Variants in SEC31A observed in about 807,000 individuals in gnomAD.
SEC31A encodes the protein protein transport protein Sec31A.
In SEC31A, 70 loss-of-function variants were observed where a neutral mutation model predicts 151.0. That is an observed-to-expected ratio of 0.46 (90% CI 0.38 to 0.57). The LOEUF is 0.57. Among genes scored for constraint, SEC31A ranks in the 20% least tolerant of loss-of-function variants. The pLI is 0.00. For synonymous variants in SEC31A, 475 were observed against 505.9 expected (o/e 0.94, Z 0.82); for missense variants, 1,330 against 1,471.2 (o/e 0.90, Z 1.57).
At chr4:82,844,731 G>A (rs1190612501) in intron 20 of SEC31A, among the ~76,000 whole-genome samples, 3 of 152,186 alleles carry the variant, frequency 2.0e-5, no homozygotes, top group Admixed American at 1.3e-4. Flanking sequence ...AGTAATAATT[G>A]CAATGAATGG....
chr4:82,853,987 C>T (rs1732018926), intron 17 of SEC31A, among the ~76,000 whole-genome samples: 1 of 152,016 alleles, frequency 6.6e-6, no homozygotes, highest in Non-Finnish European at 1.5e-5. Context: ...TAAATGGGAA[C>T]AACATTTGAA....
upstream of SEC31A, chr4:82,891,256 A>C (rs1457578643): frequency 6.7e-6 from 9 of 1,350,804 alleles, no homozygotes; most frequent in Non-Finnish European, 8.1e-6. Context: ...CGGGAGCGAC[A>C]TCTTTCCCCG....
intron 1 of SEC31A, among the ~76,000 whole-genome samples, chr4:82,885,196 C>T (rs150394549): frequency 4.6e-5 from 7 of 152,250 alleles, no homozygotes; most frequent in African/African-American, 1.7e-4. Context: ...ACAGATTTTA[C>T]TGGTGATCCA....
chr4:82,885,967 T>C (rs1485528495), intron 1 of SEC31A, among the ~76,000 whole-genome samples: 2 of 152,172 alleles, frequency 1.3e-5, no homozygotes, highest in African/African-American at 4.8e-5. Flanking sequence ...TTGTTTATAT[T>C]TGAAGGAGAT....
chr4:82,835,069 A>C (rs1726888540), intron 22 of SEC31A, among the ~76,000 whole-genome samples: 1 of 152,056 alleles, frequency 6.6e-6, no homozygotes. Context: ...CTGGTCTCGA[A>C]CTCCTAACTT....
rs755177631 is a variant in SEC31A, at chr4:82,874,754, A to G, written c.499-3T>C. ...ATGCAGCTGATATCTTCTGGCGGCT[A>G]CAAGGAAGAAACAGTTAATAAAAAC... On this transcript the variant is annotated splice_polypyrimidine_tract_variant and splice_region_variant and intron_variant, in intron 5 of 26. Transcript: ENST00000395310. The G allele has an allele frequency of 6.3e-7, 1 of 1,599,636 alleles. No individual in the cohort carries two copies.
chr4:82,864,527 C>T lies in SEC31A; in HGVS notation c.1269G>A (p.Gln423=). ...CCTGACTAATGAACACATGGTGCTG[C>T]TGCTGCTGCTGCTCAGCTCCCTGAT... ...PSHQGAEQQQ[Q]QHHVFISQVV... Residue 423 remains glutamine (Q), a synonymous_variant, in exon 11 of 27, where the codon CAG becomes CAA. Transcript: ENST00000395310. 6.2e-7 allele frequency: 1 copy of T among 1,614,072 alleles called. No homozygotes were observed. Among genetic ancestry groups the T allele is most frequent in the Non-Finnish European group, 8.5e-7 (1 of 1,179,988 alleles).
At chr4:82,826,619 T>C (rs938610352) in intron 24 of SEC31A, among the ~76,000 whole-genome samples, 12 of 152,228 alleles carry the variant, frequency 7.9e-5, no homozygotes, top group African/African-American at 1.4e-4. Flanking sequence ...TCCCAAAGCA[T>C]TGGGATAAGA....
intron 22 of SEC31A, among the ~76,000 whole-genome samples, chr4:82,835,444 CTTTTT>C (rs1726979007): frequency 6.6e-6 from 1 of 152,120 alleles, no homozygotes; most frequent in Non-Finnish European, 1.5e-5. Context: ...ATCTTTTACT[CTTTTT>C]AAAACATGAC....
At position 82,890,952 on chromosome 4, in the gene SEC31A, C is replaced by T; in HGVS notation, c.-5+136G>A. On this transcript the variant is annotated intron_variant, in intron 1 of 26. Transcript: ENST00000395310. The stretch of plus-strand genomic sequence containing the variant: ...CCGGGCCCGAAACCAAGACTAGGGG[C>T]GCGCCGTCACCAGAGACCGGGCCTC... The T allele has an allele frequency of 2.8e-6, 4 of 1,444,236 alleles. No homozygotes were observed. In the East Asian group the frequency reaches 8.0e-5, roughly 29 times the overall value. The allele number at this position is 1,444,236 out of a possible 1,614,324, so 89.5% of individuals were successfully genotyped here.
At position 82,853,273 on chromosome 4, in the gene SEC31A, C is replaced by A. The variant is rs188426351; in HGVS notation, c.2154+297G>T. Among the ~76,000 whole-genome samples, 6 of 152,296 alleles carry A rather than the reference C, an allele frequency of 3.9e-5. No individual in the cohort carries two copies. In the East Asian group the frequency reaches 1.2e-3, roughly 29 times the overall value. On this transcript the variant is annotated intron_variant, in intron 18 of 26. Coordinates refer to ENST00000395310, the MANE Select transcript of SEC31A (RefSeq NM_001077207.4). The stretch of plus-strand genomic sequence containing the variant: ...GGCAGGCAGAGCCACTGGAAGCAGA[C>A]AGAGGAGCACACAGAAAAAGAGGTA...
intron 8 of SEC31A, among the ~76,000 whole-genome samples, chr4:82,868,266 A>G (rs1735834350): frequency 6.6e-6 from 1 of 152,138 alleles, no homozygotes; most frequent in Admixed American, 6.5e-5. Flanking sequence ...TGGTAGGCTG[A>G]GGTGGGCAGA....
In SEC31A at chr4:82,864,716, C is replaced by A. The variant is rs1159540074; in HGVS notation, c.1198-118G>T. On this transcript the variant is annotated intron_variant, in intron 10 of 26. Coordinates refer to ENST00000395310, the MANE Select transcript of SEC31A (RefSeq NM_001077207.4). ...AAATTAGTTGATACAACCTCTCATG[C>A]GCCACAGTCTGACACCACTTCAATT... 6 of 691,624 alleles carry A rather than the reference C, an allele frequency of 8.7e-6. No homozygotes were observed. In the South Asian group the frequency reaches 9.6e-5, roughly 11 times the overall value. The allele number at this position is 691,624 out of a possible 1,614,324, so 42.8% of individuals were successfully genotyped here. A position where few individuals can be genotyped will look rare whatever the true frequency, so the allele number is the denominator to read the frequency against.
rs1357611864 is a variant in SEC31A at position 82,842,241 on chromosome 4, C to T, written c.2867G>A (p.Gly956Asp). The T allele has an allele frequency of 1.2e-6, 2 of 1,613,682 alleles. No homozygotes were observed. The highest frequency in any genetic ancestry group is 8.5e-7 in the Non-Finnish European group (1 of 1,179,798). The change falls in exon 22 of 27, where the codon GGC becomes GAC. Residue 956 changes from glycine to aspartate, a missense_variant. Gly to Asp is a moderately conservative substitution (Grantham distance 94). Coordinates refer to ENST00000395310, the MANE Select transcript of SEC31A (RefSeq NM_001077207.4). ...PPSSGASFQH[G>D]GPGAPPSSSA... The stretch of plus-strand genomic sequence containing the variant: ...AGATGATGGTGGAGCTCCTGGTCCG[C>T]CATGCTGGAAGGATGCTCCAGAGGA...
At chr4:82,868,325 C>A (rs980404989) in intron 8 of SEC31A, among the ~76,000 whole-genome samples, 3 of 151,724 alleles carry the variant, frequency 2.0e-5, no homozygotes, top group Admixed American at 6.6e-5. Flanking sequence ...ATGGCAAAAC[C>A]CCATCTCTAC....
intron 1 of SEC31A, among the ~76,000 whole-genome samples, chr4:82,889,560 A>AT (rs1387666380): frequency 6.6e-6 from 1 of 150,670 alleles, no homozygotes; most frequent in Non-Finnish European, 1.5e-5. Flanking sequence ...AAAAAAAAAA[A>AT]AGTAAAAGAA....
chr4:82,853,540 A>G, intron 18 of SEC31A, 30 bp downstream of exon 18: 2 of 1,536,168 alleles, frequency 1.3e-6, no homozygotes, highest in Non-Finnish European at 1.7e-6. Flanking sequence ...AACACTAAAA[A>G]TTAAGTGCCT....
chr4:82,885,234 G>A (rs1322179313), intron 1 of SEC31A, among the ~76,000 whole-genome samples: 4 of 152,144 alleles, frequency 2.6e-5, no homozygotes, highest in African/African-American at 9.7e-5. Flanking sequence ...CAGTAGGTTA[G>A]CTAAGGACAT....
chr4:82,831,066 A>C (rs893436607), intron 22 of SEC31A: 5 of 333,176 alleles, frequency 1.5e-5, no homozygotes, highest in South Asian at 5.3e-5. Context: ...TCCCTTCATT[A>C]ATCCCCAGAA....
Sources: gnomAD v4.1 joint callset for allele counts (sites outside exome capture counted in the v4.1 genomes callset) on GRCh38, gnomAD v4.1.1 for gene constraint, MANE v1.5 for transcripts, NCBI Gene and HGNC (gene_info 2026-07-23, HGNC 2026-07-21) for gene names.